Variants in BRINP3 observed in about 807,000 individuals in gnomAD.
BRINP3 encodes the protein BMP/retinoic acid-inducible neural-specific protein 3.
A neutral mutation model predicts 71.0 loss-of-function variants in BRINP3; 19 were observed. That is an observed-to-expected ratio of 0.27 (90% CI 0.19 to 0.39). The LOEUF (loss-of-function observed/expected upper bound fraction) is 0.39. Ranked by LOEUF, BRINP3 falls within the 10% of genes least tolerant of loss-of-function variation. The pLI, the probability that BRINP3 is intolerant of heterozygous loss-of-function variation, is 1.00. For missense variants in BRINP3, 959 were observed against 940.8 expected (o/e 1.02, Z -0.25); for synonymous variants, 380 against 337.7 (o/e 1.13, Z -1.37).
intron 2 of BRINP3, among the ~76,000 whole-genome samples, chr1:190,302,288 A>G (rs1234481759): frequency 6.8e-6 from 1 of 148,116 alleles, no homozygotes; most frequent in Non-Finnish European, 1.5e-5. Flanking sequence ...GTATATATAT[A>G]TATTTTAAGT....
chr1:190,154,924 G>A (rs894630782), intron 7 of BRINP3, among the ~76,000 whole-genome samples: 1 of 151,980 alleles, frequency 6.6e-6, no homozygotes, highest in African/African-American at 2.4e-5. Context: ...AAAAAATGAG[G>A]CTGTTGCTTC....
intron 2 of BRINP3, among the ~76,000 whole-genome samples, chr1:190,366,259 G>T (rs1456043395): frequency 6.6e-6 from 1 of 152,114 alleles, no homozygotes; most frequent in Non-Finnish European, 1.5e-5. Flanking sequence ...CATGGCAGAA[G>T]ATGAAGCAAG....
chr1:190,265,646 G>A (rs1571568856), intron 3 of BRINP3, among the ~76,000 whole-genome samples: 1 of 151,016 alleles, frequency 6.6e-6, no homozygotes, highest in African/African-American at 2.4e-5. Flanking sequence ...CCCGGGAGGC[G>A]GAGCTTGCAG....
chr1:190,463,658 C>T lies in BRINP3; in HGVS notation c.-50-8718G>A, dbSNP rs1676545327. Among the ~76,000 whole-genome samples the T allele has an allele frequency of 2.6e-5, 4 of 151,734 alleles. No individual in the cohort carries two copies. The South Asian group carries it at 8.3e-4, about 31-fold the overall frequency. The stretch of plus-strand genomic sequence containing the variant: ...TCATAAATTCTATATATTCTGTAGT[C>T]AGATTAGTAAAAGAATGAGAGCCTC... On this transcript the variant is annotated intron_variant, in intron 1 of 7. Transcript: ENST00000367462.
intron 2 of BRINP3, among the ~76,000 whole-genome samples, chr1:190,358,796 T>C (rs1668921892): frequency 6.6e-6 from 1 of 151,936 alleles, no homozygotes; most frequent in Non-Finnish European, 1.5e-5. Context: ...ATTAAGAAAA[T>C]GTGGCACATA....
intron 1 of BRINP3, among the ~76,000 whole-genome samples, chr1:190,456,665 A>G (rs1676012862): frequency 6.6e-6 from 1 of 152,072 alleles, no homozygotes; most frequent in Non-Finnish European, 1.5e-5. Context: ...GTGGTATAGT[A>G]TAATAATCCT....
At chr1:190,182,300 C>T (rs1295848498) in intron 6 of BRINP3, among the ~76,000 whole-genome samples, 1 of 152,022 alleles carries the variant, frequency 6.6e-6, no homozygotes, top group Admixed American at 6.6e-5. Context: ...CCTCTTCTTG[C>T]AGGCTTCTGA....
intron 7 of BRINP3, among the ~76,000 whole-genome samples, chr1:190,107,862 A>G (rs541284761): frequency 6.8e-6 from 1 of 146,364 alleles, no homozygotes; most frequent in African/African-American, 2.7e-5. Flanking sequence ...TATGGCACTG[A>G]ATTTTTTTTA....
At chr1:190,331,535 A>G (rs1349424378) in intron 2 of BRINP3, among the ~76,000 whole-genome samples, 1 of 152,022 alleles carries the variant, frequency 6.6e-6, no homozygotes, top group Non-Finnish European at 1.5e-5. Context: ...CATCCTCAGA[A>G]AGCACATAAT....
chr1:190,395,199 T>C (rs1267161269), intron 2 of BRINP3, among the ~76,000 whole-genome samples: 1 of 151,872 alleles, frequency 6.6e-6, no homozygotes, highest in East Asian at 1.9e-4. Flanking sequence ...CTCTTCTTAA[T>C]ACATTATTTT....
At chr1:190,464,953 C>G (rs574200012) in intron 1 of BRINP3, among the ~76,000 whole-genome samples, 1 of 152,036 alleles carries the variant, frequency 6.6e-6, no homozygotes, top group South Asian at 2.1e-4. Context: ...GCTAAGGAAA[C>G]TAATCTCCTA....
At chr1:190,408,782 G>A (rs1672469091) in intron 2 of BRINP3, among the ~76,000 whole-genome samples, 1 of 152,126 alleles carries the variant, frequency 6.6e-6, no homozygotes, top group Non-Finnish European at 1.5e-5. Context: ...CATTGAATAG[G>A]CTATCAACCA....
intron 2 of BRINP3, among the ~76,000 whole-genome samples, chr1:190,401,376 CAAAAAAA>C (rs762938571): frequency 4.9e-4 from 44 of 89,372 alleles, no homozygotes; most frequent in Non-Finnish European, 3.4e-4. Flanking sequence ...CATCTCAAAA[CAAAAAAA>C]AAAAAAAAAA....
chr1:190,308,633 A>C (rs925434788), intron 2 of BRINP3, among the ~76,000 whole-genome samples: 1 of 152,064 alleles, frequency 6.6e-6, no homozygotes. Context: ...CCTAAAACTT[A>C]AAGTATAATA....
At chr1:190,438,036 A>G (rs1674580513) in intron 2 of BRINP3, among the ~76,000 whole-genome samples, 1 of 151,310 alleles carries the variant, frequency 6.6e-6, no homozygotes, top group African/African-American at 2.4e-5. Context: ...AGATTTCACA[A>G]TAAAATCAAA....
chr1:190,220,641 A>T (rs1656800822), intron 6 of BRINP3, among the ~76,000 whole-genome samples: 1 of 152,058 alleles, frequency 6.6e-6, no homozygotes, highest in Non-Finnish European at 1.5e-5. Context: ...TTCAAAGATA[A>T]AAAAAATTGC....
intron 7 of BRINP3, among the ~76,000 whole-genome samples, chr1:190,100,276 A>C (rs993715220): frequency 1.3e-5 from 2 of 152,090 alleles, no homozygotes; most frequent in African/African-American, 4.8e-5. Context: ...TTTCCTGCAA[A>C]ATATATATGC....
intron 1 of BRINP3, among the ~76,000 whole-genome samples, chr1:190,460,096 A>T (rs2102655318): frequency 6.6e-6 from 1 of 152,126 alleles, no homozygotes; most frequent in Non-Finnish European, 1.5e-5. Flanking sequence ...CTTAACATTA[A>T]TGCTTACTAA....
At chr1:190,146,699 C>T (rs12077686) in intron 7 of BRINP3, among the ~76,000 whole-genome samples, 3,174 of 152,148 alleles carry the variant, frequency 0.021, 102 homozygotes, top group African/African-American at 0.072. Flanking sequence ...CAGAGCACTT[C>T]TGGAACACTA....
Sources: gnomAD v4.1 joint callset for allele counts (sites outside exome capture counted in the v4.1 genomes callset) on GRCh38, gnomAD v4.1.1 for gene constraint, MANE v1.5 for transcripts, NCBI Gene and HGNC (gene_info 2026-07-23, HGNC 2026-07-21) for gene names.